Variants in USP34 observed in about 807,000 individuals in gnomAD.
USP34 encodes the protein ubiquitin carboxyl-terminal hydrolase 34.
In USP34, 70 loss-of-function variants were observed where a neutral mutation model predicts 460.3. The observed-to-expected ratio is 0.15, with a 90% CI of 0.13 to 0.19. The LOEUF (loss-of-function observed/expected upper bound fraction) is 0.19. USP34 is among the 10% of genes least tolerant of loss of function. The pLI, the probability that USP34 is intolerant of heterozygous loss-of-function variation, is 1.00. For missense variants in USP34, 3,985 were observed against 4,236.2 expected (o/e 0.94, Z 1.65); for synonymous variants, 1,647 against 1,405.3 (o/e 1.17, Z -3.85).
intron 48 of USP34, among the ~76,000 whole-genome samples, chr2:61,254,164 A>G (rs1688660678): frequency 6.6e-6 from 1 of 152,224 alleles, no homozygotes; most frequent in South Asian, 2.1e-4. Flanking sequence ...GCTTTTATTC[A>G]GCTGTCATTG....
intron 20 of USP34, among the ~76,000 whole-genome samples, chr2:61,325,744 AAAGT>A (rs1424483435): frequency 6.6e-6 from 1 of 152,174 alleles, no homozygotes; most frequent in Non-Finnish European, 1.5e-5. Flanking sequence ...TGTCATTTTA[AAAGT>A]ATGTAACACA....
intron 1 of USP34, among the ~76,000 whole-genome samples, chr2:61,454,250 A>C (rs1386306256): frequency 6.6e-6 from 1 of 151,692 alleles, no homozygotes; most frequent in Non-Finnish European, 1.5e-5. Flanking sequence ...TCTGCCTCCC[A>C]AGTAGCTGGG....
intron 2 of USP34, among the ~76,000 whole-genome samples, chr2:61,412,856 T>C (rs1286372264): frequency 3.4e-4 from 44 of 129,100 alleles, no homozygotes; most frequent in Admixed American, 1.5e-3. Flanking sequence ...GCCACTGCAC[T>C]CCAACCTTAG....
In USP34 at chr2:61,457,775, G is replaced by A. The variant is rs371670634; in HGVS notation, c.43+12875C>T. Among the ~76,000 whole-genome samples, 83 of 152,258 alleles carry A rather than the reference G, an allele frequency of 5.5e-4. 1 individual carries two copies. In the South Asian group the frequency reaches 0.015, roughly 27 times the overall value. On this transcript the variant is annotated intron_variant, in intron 1 of 79. Transcript: ENST00000398571. ...ACTTGGGAGGCTCTTTTGAGCCCAG[G>A]AGGTCAAGGCTGCAGTGAGCTAGGA...
At chr2:61,323,937 G>A (rs1461674063) in intron 21 of USP34, among the ~76,000 whole-genome samples, 1 of 152,058 alleles carries the variant, frequency 6.6e-6, no homozygotes, top group Admixed American at 6.6e-5. Context: ...AGTGTTGCTG[G>A]CATTTGTTAC....
At chr2:61,357,019 C>A (rs1222076239) in intron 10 of USP34, among the ~76,000 whole-genome samples, 1 of 152,118 alleles carries the variant, frequency 6.6e-6, no homozygotes, top group African/African-American at 2.4e-5. Context: ...TTGGAGACTT[C>A]AATATCCAAT....
At chr2:61,465,468 G>C (rs1695732784) in intron 1 of USP34, among the ~76,000 whole-genome samples, 1 of 152,150 alleles carries the variant, frequency 6.6e-6, no homozygotes, top group South Asian at 2.1e-4. Context: ...TCCACATTAA[G>C]TCCTTACTCT....
intron 41 of USP34, chr2:61,277,917 C>CT (rs1478713174): frequency 4.7e-6 from 2 of 428,188 alleles, no homozygotes; most frequent in East Asian, 4.1e-5. Flanking sequence ...GGTTCTCATT[C>CT]TTTTTTTGCC....
At chr2:61,231,896 TAC>T (rs1687916882) in intron 58 of USP34, among the ~76,000 whole-genome samples, 3 of 149,822 alleles carry the variant, frequency 2.0e-5, no homozygotes, top group Admixed American at 6.7e-5. Flanking sequence ...ATGTAATATA[TAC>T]ACACACGCAT....
intron 39 of USP34, among the ~76,000 whole-genome samples, chr2:61,279,236 A>G (rs954023320): frequency 1.8e-4 from 27 of 152,220 alleles, no homozygotes; most frequent in African/African-American, 6.3e-4. Flanking sequence ...GATGTTAACT[A>G]AAAAGCAAAA....
At chr2:61,446,534 G>A (rs138865315) in intron 1 of USP34, among the ~76,000 whole-genome samples, 6 of 152,278 alleles carry the variant, frequency 3.9e-5, no homozygotes, top group South Asian at 2.1e-4. Flanking sequence ...GGTAGCTCAC[G>A]CCTGTAATTC....
intron 10 of USP34, among the ~76,000 whole-genome samples, chr2:61,366,105 T>C (rs1692431760): frequency 6.6e-6 from 1 of 152,230 alleles, no homozygotes; most frequent in African/African-American, 2.4e-5. Flanking sequence ...TTTGTACTTT[T>C]AGTAGAGACA....
intron 2 of USP34, 75 bp from the exon 3 acceptor site, chr2:61,406,203 T>A: frequency 1.6e-6 from 2 of 1,254,332 alleles, no homozygotes; most frequent in Non-Finnish European, 2.1e-6. Context: ...AAAAAACAAG[T>A]AAGCAAATAC....
chr2:61,312,143 G>GA (rs915675881), intron 25 of USP34, among the ~76,000 whole-genome samples: 26 of 139,702 alleles, frequency 1.9e-4, no homozygotes, highest in South Asian at 1.6e-3. Flanking sequence ...AATTACTGAG[G>GA]AAAAAAAAAA....
At chr2:61,269,997 A>C (rs1175433297) in intron 41 of USP34, among the ~76,000 whole-genome samples, 1 of 152,206 alleles carries the variant, frequency 6.6e-6, no homozygotes, top group Non-Finnish European at 1.5e-5. Context: ...TATGCTACTG[A>C]GCACTAGAAT....
At chr2:61,205,993 G>A (rs763884188) in intron 72 of USP34, 24 bp downstream of exon 72, 38 of 1,546,552 alleles carry the variant, frequency 2.5e-5, no homozygotes, top group Middle Eastern at 1.7e-4. Flanking sequence ...GTTTTTACAC[G>A]GGTGAATTTT....
intron 2 of USP34, among the ~76,000 whole-genome samples, chr2:61,418,979 A>C (rs1173680448): frequency 6.6e-6 from 1 of 152,118 alleles, no homozygotes; most frequent in Non-Finnish European, 1.5e-5. Context: ...ATTTTAATTA[A>C]AATATGTGTT....
intron 3 of USP34, among the ~76,000 whole-genome samples, chr2:61,404,398 C>T (rs1432897072): frequency 2.6e-5 from 4 of 152,148 alleles, no homozygotes. Flanking sequence ...ATGGAGTCTA[C>T]TTCACTACCC....
intron 1 of USP34, among the ~76,000 whole-genome samples, chr2:61,456,471 T>C (rs886995935): frequency 6.6e-6 from 1 of 152,226 alleles, no homozygotes; most frequent in Non-Finnish European, 1.5e-5. Context: ...TTTCTCCGCA[T>C]AGTTTAAGTA....
Sources: allele counts gnomAD v4.1 joint callset (sites outside exome capture counted in the v4.1 genomes callset), GRCh38; gene constraint gnomAD v4.1.1; transcripts MANE v1.5; gene names NCBI Gene and HGNC (gene_info 2026-07-23, HGNC 2026-07-21).